ADGRV1: variants seen among roughly 807,000 people sequenced by gnomAD.
ADGRV1 encodes the protein G-protein coupled receptor 98.
ADGRV1 carries 359 observed loss-of-function variants against 596.2 expected under a neutral mutation model. The ratio of observed to expected loss-of-function variants is 0.60; its 90% CI spans 0.55 to 0.66. The LOEUF is 0.66. Among genes scored for constraint, ADGRV1 ranks in the 30% least tolerant of loss-of-function variants. ADGRV1 has a pLI of 0.00. For missense variants in ADGRV1, 7,274 were observed against 7,575.6 expected, an observed-to-expected ratio of 0.96 and a Z score of 1.48; for synonymous variants, 2,681 against 2,679.2, an observed-to-expected ratio of 1.00 and a Z score of -0.02.
At chr5:90,675,194 T>A in intron 23 of ADGRV1, 49 bp from the exon 24 acceptor site, 1 of 1,506,654 alleles carries the variant, frequency 6.6e-7, no homozygotes, top group Non-Finnish European at 9.1e-7. Flanking sequence ...AATAAGAAAT[T>A]CTTGCACAGT....
chr5:90,903,703 A>G (rs930177060), intron 83 of ADGRV1, among the ~76,000 whole-genome samples: 1 of 152,004 alleles, frequency 6.6e-6, no homozygotes, highest in South Asian at 2.1e-4. Context: ...CATGCAATGT[A>G]TAATAATCAC....
chr5:90,697,213 T>C (rs1747310318), intron 34 of ADGRV1, 67 bp downstream of exon 34: 34 of 1,381,088 alleles, frequency 2.5e-5, no homozygotes, highest in Non-Finnish European at 3.4e-5. Flanking sequence ...TGTCTAGTTC[T>C]TTAAAACTTG....
At chr5:90,974,262 T>C (rs1354924024) in intron 84 of ADGRV1, among the ~76,000 whole-genome samples, 9 of 150,588 alleles carry the variant, frequency 6.0e-5, no homozygotes. Flanking sequence ...ATTGTAAAAA[T>C]GGCCATACTG....
chr5:90,730,500 A>T (rs1373795294), intron 50 of ADGRV1, among the ~76,000 whole-genome samples: 1 of 152,168 alleles, frequency 6.6e-6, no homozygotes, highest in Non-Finnish European at 1.5e-5. Context: ...CATCTTCATG[A>T]ACTCTCCCAA....
intron 84 of ADGRV1, among the ~76,000 whole-genome samples, chr5:90,974,089 C>A (rs1001741616): frequency 2.0e-5 from 3 of 152,118 alleles, no homozygotes; most frequent in African/African-American, 7.2e-5. Flanking sequence ...TGAGTGAACT[C>A]CCATTCACAA....
Position 90,724,945 on chromosome 5 carries a change from T to C in ADGRV1, c.9862T>C (p.Ser3288Pro). 6.2e-7 allele frequency: 1 copy of C among 1,608,386 alleles called. No homozygotes were observed. The highest frequency in any genetic ancestry group is 8.5e-7 in the Non-Finnish European group (1 of 1,177,414). ...ATATGGTATAATGTTAAGAAAATCA[T>C]CTGTTACTGTTTACCGATGGCAGGG... ...LIYGIMLRKS[S>P]VTVYRWQGIF... Residue 3288 changes from serine to proline, a missense_variant, in exon 46 of 90, where the codon TCT becomes CCT. This residue lies in a region of ADGRV1 where 3,643 missense variants were observed against 3,809.2 expected (regional missense o/e 0.96). Coordinates refer to ENST00000405460, the MANE Select transcript of ADGRV1 (RefSeq NM_032119.4).
chr5:91,080,983 T>C (rs1789311218), intron 86 of ADGRV1, among the ~76,000 whole-genome samples: 1 of 152,134 alleles, frequency 6.6e-6, no homozygotes, highest in Admixed American at 6.6e-5. Flanking sequence ...TGATTTTGCC[T>C]GGTGTATTAG....
At chr5:90,637,317 C>T (rs6883872) in intron 10 of ADGRV1, among the ~76,000 whole-genome samples, 115,224 of 152,066 alleles carry the variant, frequency 0.76, 44,514 homozygotes, top group African/African-American at 0.91. Context: ...TTTTAATCAC[C>T]GGAGTTTATT....
intron 87 of ADGRV1, among the ~76,000 whole-genome samples, chr5:91,127,538 A>AG (rs1186473860): frequency 3.4e-5 from 1 of 29,670 alleles, no homozygotes; most frequent in South Asian, 2.7e-3. Flanking sequence ...ACCCAGTCTC[A>AG]CCAAAAAAAA....
intron 83 of ADGRV1, among the ~76,000 whole-genome samples, chr5:90,941,009 C>T (rs1034789322): frequency 5.6e-4 from 85 of 151,980 alleles, no homozygotes; most frequent in Admixed American, 1.6e-3. Flanking sequence ...TTTTTTCCCC[C>T]CTCCCATTTA....
At position 90,658,271 on chromosome 5, in the gene ADGRV1, T is replaced by C. The variant is rs1225720048; in HGVS notation, c.4745T>C (p.Ile1582Thr). 6.6e-7 allele frequency: 1 copy of C among 1,516,512 alleles called. No homozygotes were observed. The highest frequency in any genetic ancestry group is 1.4e-5 in the African/African-American group (1 of 71,864). The allele number at this position is 1,516,512 out of a possible 1,614,324, so 93.9% of individuals were successfully genotyped here. A position where few individuals can be genotyped will look rare whatever the true frequency, so the allele number is the denominator to read the frequency against. The change falls in exon 21 of 90, where the codon ATA becomes ACA. Residue 1582 changes from isoleucine to threonine, a missense_variant. Ile to Thr is a moderately conservative substitution (Grantham distance 89). This residue lies in a region of ADGRV1 where 3,643 missense variants were observed against 3,809.2 expected (regional missense o/e 0.96). Transcript: ENST00000405460. Reference sequence around the variant, plus strand: ...TTGTTTGGTTTCACAGGAGCTTGTATACCAGAGGTAAGTAGTGAGCTTGGA... The same window carrying C: ...TTGTTTGGTTTCACAGGAGCTTGTACACCAGAGGTAAGTAGTGAGCTTGGA... ...NGLFGFTGACIPEIAEEGSTI... is the reference protein window; with the variant it reads ...NGLFGFTGACTPEIAEEGSTI...
At position 90,711,169 on chromosome 5, in the gene ADGRV1, T is replaced by C; in HGVS notation, c.8904-15T>C. On this transcript the variant is annotated splice_polypyrimidine_tract_variant and intron_variant, in intron 40 of 89. Coordinates refer to ENST00000405460, the MANE Select transcript of ADGRV1 (RefSeq NM_032119.4). ...AATTTTTTTTGTTTGTTTTTGTTTT[T>C]TTGCTATATTATAGGTTTGAAGTAA... The C allele has an allele frequency of 6.3e-7, 1 of 1,590,216 alleles. No homozygotes were observed. The highest frequency in any genetic ancestry group is 8.5e-7 in the Non-Finnish European group (1 of 1,171,960).
intron 87 of ADGRV1, among the ~76,000 whole-genome samples, chr5:91,104,862 T>TC (rs1554224639): frequency 1.8e-5 from 2 of 109,750 alleles, no homozygotes; most frequent in Admixed American, 1.7e-4. Flanking sequence ...TTTCTTTTCT[T>TC]TTTTTTTTTT....
chr5:90,582,969 A>C (rs1320872999), intron 1 of ADGRV1, among the ~76,000 whole-genome samples: 7 of 152,220 alleles, frequency 4.6e-5, no homozygotes, highest in Non-Finnish European at 8.8e-5. Flanking sequence ...GGGTAGTGTT[A>C]AATTGAAAAC....
At chr5:91,001,742 C>T (rs746295289) in intron 85 of ADGRV1, among the ~76,000 whole-genome samples, 7 of 152,140 alleles carry the variant, frequency 4.6e-5, no homozygotes, top group Non-Finnish European at 1.0e-4. Flanking sequence ...CATTTTTCTT[C>T]AATTACATCT....
chr5:91,017,140 T>TTGTTCAATC (rs1783240221), intron 85 of ADGRV1, among the ~76,000 whole-genome samples: 1 of 151,952 alleles, frequency 6.6e-6, no homozygotes, highest in Non-Finnish European at 1.5e-5. Context: ...ATGAAGAGCC[T>TTGTTCAATC]TGTTCAATCT....
intron 9 of ADGRV1, among the ~76,000 whole-genome samples, chr5:90,630,858 T>C (rs554439234): frequency 2.3e-4 from 35 of 152,330 alleles, no homozygotes; most frequent in African/African-American, 7.5e-4. Flanking sequence ...GTGTGTTGAA[T>C]GTTGAGTTTA....
intron 70 of ADGRV1, among the ~76,000 whole-genome samples, chr5:90,800,466 A>G (rs1761235008): frequency 6.6e-6 from 1 of 151,566 alleles, no homozygotes; most frequent in Non-Finnish European, 1.5e-5. Context: ...ATGCTTTTAC[A>G]CTGTTGGTGG....
At chr5:90,757,237 A>G in intron 57 of ADGRV1, 76 bp downstream of exon 57, 1 of 1,207,886 alleles carries the variant, frequency 8.3e-7, no homozygotes, top group Admixed American at 1.9e-5. Context: ...AAATGAATGT[A>G]CATTGGTGAT....
Sources: allele counts gnomAD v4.1 joint callset (sites outside exome capture counted in the v4.1 genomes callset), GRCh38; gene constraint gnomAD v4.1.1; regional missense constraint gnomAD v4.1.1; transcripts MANE v1.5; gene names NCBI Gene and HGNC (gene_info 2026-07-23, HGNC 2026-07-21).